The following BRD1 variants were observed in gnomAD, a reference collection of about 807,000 sequenced individuals.
The protein encoded by BRD1 is bromodomain-containing protein 1.
BRD1 carries 24 observed loss-of-function variants against 107.7 expected under a neutral mutation model. The observed-to-expected ratio is 0.22, with a 90% CI of 0.16 to 0.31. The LOEUF is 0.31. Among genes scored for constraint, BRD1 ranks in the 10% least tolerant of loss-of-function variants. BRD1 has a pLI of 1.00. For synonymous variants in BRD1, 744 were observed against 686.1 expected (o/e 1.08, Z -1.32); for missense variants, 1,279 against 1,638.6 (o/e 0.78, Z 3.79).
intron 6 of BRD1, 36 bp downstream of exon 6, chr22:49,797,769 T>C (rs1016709911): frequency 6.5e-7 from 1 of 1,545,798 alleles, no homozygotes. Flanking sequence ...AGAAAGAGCG[T>C]CTTCCACCTC....
intron 2 of BRD1, among the ~76,000 whole-genome samples, chr22:49,820,624 T>C (rs1481004065): frequency 6.8e-6 from 1 of 147,668 alleles, no homozygotes; most frequent in East Asian, 2.0e-4. Flanking sequence ...AAATAAAAAA[T>C]AAGAAGCTTC....
chr22:49,797,606 A>G (rs988577156), intron 6 of BRD1, among the ~76,000 whole-genome samples, 199 bp downstream of exon 6: 8 of 152,254 alleles, frequency 5.3e-5, no homozygotes, highest in Admixed American at 4.6e-4. Flanking sequence ...ACTGAGTAAA[A>G]TAAGACATAT....
At position 49,824,618 on chromosome 22, in the gene BRD1, A is replaced by C; in HGVS notation, c.-14-287T>G. ...ACCAGTCCCCTCTCAGACCACACCA[A>C]CAGGCTGCGGAGACCACAGCAACGC... On this transcript the variant is annotated intron_variant, in intron 1 of 12. Coordinates refer to ENST00000404760, the MANE Select transcript of BRD1 (RefSeq NM_001304808.3). This position sits in a 1 kb window ranked among gnomAD's most constrained non-coding sequence, Gnocchi z 5.9. The C allele has an allele frequency of 8.2e-7, 1 of 1,221,952 alleles. No individual in the cohort carries two copies. Among genetic ancestry groups the C allele is most frequent in the Non-Finnish European group, 1.0e-6 (1 of 969,956 alleles). The allele number at this position is 1,221,952 out of a possible 1,614,324, so 75.7% of individuals were successfully genotyped here. A position where few individuals can be genotyped will look rare whatever the true frequency, so the allele number is the denominator to read the frequency against.
In BRD1 at chr22:49,773,999, C is replaced by G. The variant is rs1467040396; in HGVS notation, c.*234G>C. The G allele has an allele frequency of 7.3e-6, 3 of 410,488 alleles. No individual in the cohort carries two copies. The highest frequency in any genetic ancestry group is 1.3e-5 in the Non-Finnish European group (3 of 233,170). The allele number at this position is 410,488 out of a possible 1,614,324, so 25.4% of individuals were successfully genotyped here. A position where few individuals can be genotyped will look rare whatever the true frequency, so the allele number is the denominator to read the frequency against. On this transcript the variant is annotated 3_prime_UTR_variant, in exon 13 of 13. Transcript: ENST00000404760. The stretch of plus-strand genomic sequence containing the variant: ...ATCAAAGAAAGTGACGCCAGCAGCA[C>G]GGCCTGGGGACGTGCGACAGACGCA...
rs1417087981 is a variant in BRD1 at position 49,799,121 on chromosome 22, T to C, written c.1525-2A>G. 1 of 1,605,170 alleles carries C rather than the reference T, an allele frequency of 6.2e-7. No individual in the cohort carries two copies. Among genetic ancestry groups the C allele is most frequent in the Non-Finnish European group, 8.5e-7 (1 of 1,179,372 alleles). On this transcript the variant is annotated splice_acceptor_variant, in intron 3 of 12. Coordinates refer to ENST00000404760, the MANE Select transcript of BRD1 (RefSeq NM_001304808.3). LOFTEE classifies it high-confidence loss of function. ...CTTCATCTCCTCATCATTTTCTCTC[T>C]GAGAACAGTGAACACTTCCGTCAGT... is the stretch of plus-strand genomic sequence containing the variant.
chr22:49,792,257 C>G lies in BRD1; in HGVS notation c.2359+1777G>C, dbSNP rs2059449825. ...TGTGTGCGAAGAGAAGCGCTGGAAG[C>G]TATTTTGAGAATGGTGAGTGGACCT... On this transcript the variant is annotated intron_variant, in intron 7 of 12. Transcript: ENST00000404760. This position sits in a 1 kb window ranked among gnomAD's most constrained non-coding sequence, Gnocchi z 4.2. 6.6e-6 allele frequency among the ~76,000 whole-genome samples: 1 copy of G among 152,214 alleles called. No homozygotes were observed.
intron 8 of BRD1, among the ~76,000 whole-genome samples, chr22:49,781,224 G>A (rs868484521): frequency 6.6e-6 from 1 of 152,134 alleles, no homozygotes; most frequent in Non-Finnish European, 1.5e-5. Context: ...AGGAGATGGC[G>A]CAAAGGTGTC....
intron 2 of BRD1, among the ~76,000 whole-genome samples, chr22:49,812,691 G>C (rs892602304): frequency 1.8e-4 from 27 of 152,248 alleles, no homozygotes; most frequent in African/African-American, 6.5e-4. Context: ...CTAATGTCGG[G>C]AGGACTCTAA....
At chr22:49,802,178 G>C (rs536722718) in intron 3 of BRD1, among the ~76,000 whole-genome samples, 1 of 145,534 alleles carries the variant, frequency 6.9e-6, no homozygotes, top group Non-Finnish European at 1.5e-5. Flanking sequence ...CCAACATCGC[G>C]GGGGCCGAGA....
chr22:49,779,752 C>T (rs903515058), intron 8 of BRD1, among the ~76,000 whole-genome samples: 3 of 152,076 alleles, frequency 2.0e-5, no homozygotes, highest in Non-Finnish European at 2.9e-5. Context: ...TCCTGGCCCC[C>T]GAGAACCCCT....
chr22:49,809,369 G>A (rs941747272), intron 2 of BRD1, among the ~76,000 whole-genome samples: 4 of 151,820 alleles, frequency 2.6e-5, no homozygotes, highest in Admixed American at 2.0e-4. Context: ...GTGAAACCTC[G>A]TCTCTACTAA....
intron 2 of BRD1, among the ~76,000 whole-genome samples, chr22:49,815,751 A>G (rs886227915): frequency 6.6e-6 from 1 of 152,212 alleles, no homozygotes; most frequent in Non-Finnish European, 1.5e-5. Flanking sequence ...TGTTCCTCAT[A>G]CAGGAGAGCA....
chr22:49,777,305 A>T (rs1416499218), intron 9 of BRD1, 144 bp from the exon 10 acceptor site: 1 of 1,307,746 alleles, frequency 7.6e-7, no homozygotes, highest in East Asian at 2.4e-5. Flanking sequence ...GTGGGTGCGC[A>T]GGTCTGGAGG....
intron 7 of BRD1, among the ~76,000 whole-genome samples, chr22:49,790,484 C>T (rs2059413851): frequency 6.6e-6 from 1 of 152,210 alleles, no homozygotes. Context: ...TCCTAGAATT[C>T]CAGTCCCTGG....
rs548884922 is a variant in BRD1, at chr22:49,792,653, A to G, written c.2359+1381T>C. Among the ~76,000 whole-genome samples the G allele has an allele frequency of 9.8e-5, 15 of 152,366 alleles. No individual in the cohort carries two copies. The highest frequency in any genetic ancestry group is 5.8e-4 in the East Asian group (3 of 5,194). On this transcript the variant is annotated intron_variant, in intron 7 of 12. Transcript: ENST00000404760. The surrounding 1 kb of genome is among the most constrained non-coding windows in gnomAD (Gnocchi z 4.2). ...AATTGACGCCAGCCCCAAAAGAGAC[A>G]TTCTAGAGTCTGGGTACTATACTAT... is the stretch of plus-strand genomic sequence containing the variant.
intron 7 of BRD1, among the ~76,000 whole-genome samples, chr22:49,790,951 T>G (rs1348415202): frequency 6.6e-6 from 1 of 152,270 alleles, no homozygotes. Context: ...AGGGCATCAC[T>G]GTGACTGGAA....
intron 7 of BRD1, among the ~76,000 whole-genome samples, chr22:49,793,334 C>A (rs957633815): frequency 2.0e-5 from 3 of 152,198 alleles, no homozygotes; most frequent in African/African-American, 7.2e-5. Flanking sequence ...CCATGCCAAG[C>A]CTGCATTTGC....
At chr22:49,826,371 G>T in intron 1 of BRD1, 1 of 604,106 alleles carries the variant, frequency 1.7e-6, no homozygotes. Flanking sequence ...CCTCAGCAGG[G>T]CAGGGCGACC....
At chr22:49,826,209 C>G in intron 1 of BRD1, 1 of 985,448 alleles carries the variant, frequency 1.0e-6, no homozygotes, top group Non-Finnish European at 1.2e-6. Flanking sequence ...GTCGCCCTAA[C>G]GACAAGCAGC....
Sources: gnomAD v4.1 joint callset for allele counts (sites outside exome capture counted in the v4.1 genomes callset) on GRCh38, gnomAD v4.1.1 for gene constraint, Gnocchi (gnomAD v3.1) non-coding constraint, MANE v1.5 for transcripts, NCBI Gene and HGNC (gene_info 2026-07-23, HGNC 2026-07-21) for gene names.